RMDN2: variants seen among roughly 807,000 people sequenced by gnomAD.
RMDN2 encodes regulator of microtubule dynamics 2.
Under a neutral mutation model 52.8 loss-of-function variants are expected in RMDN2, and 61 were observed. That is an observed-to-expected ratio of 1.16 (90% CI 0.94 to 1.43). RMDN2 has a LOEUF of 1.43. RMDN2 is among the 40% of genes most tolerant of loss of function. The probability of loss-of-function intolerance (pLI) is 0.00; values close to 1 mark genes in which losing one functional copy is unlikely to be tolerated. For missense variants in RMDN2, 592 were observed against 475.3 expected (o/e 1.25, Z -2.28); for synonymous variants, 180 against 153.1 (o/e 1.18, Z -1.30).
intron 2 of RMDN2, among the ~76,000 whole-genome samples, chr2:37,938,870 G>T (rs1015383885): frequency 1.3e-5 from 2 of 151,938 alleles, no homozygotes; most frequent in African/African-American, 4.8e-5. Context: ...CTGATTTTTT[G>T]AAGAGTTTTT....
chr2:38,014,822 T>C (rs1678521501), intron 10 of RMDN2, among the ~76,000 whole-genome samples: 1 of 152,232 alleles, frequency 6.6e-6, no homozygotes, highest in Non-Finnish European at 1.5e-5. Flanking sequence ...CAGATACCTC[T>C]GCCATCATGA....
chr2:38,018,684 G>T (rs577402937), downstream of RMDN2, among the ~76,000 whole-genome samples: 1 of 152,116 alleles, frequency 6.6e-6, no homozygotes, highest in Non-Finnish European at 1.5e-5. Flanking sequence ...CACTAAAATA[G>T]TAGTAGTTTA....
chr2:37,925,758 C>A (rs935502102), intron 1 of RMDN2, among the ~76,000 whole-genome samples: 1 of 151,730 alleles, frequency 6.6e-6, no homozygotes, highest in African/African-American at 2.4e-5. Context: ...TCCCTGCAAA[C>A]CCCAAAGAAT....
rs1040055904 is a variant in RMDN2, at chr2:38,055,905, T to G, written c.1714-11077T>G. Among the ~76,000 whole-genome samples, 4 of 152,158 alleles carry G rather than the reference T, an allele frequency of 2.6e-5. No individual in the cohort carries two copies. The South Asian group carries it at 8.3e-4, about 32-fold the overall frequency. ...AGACAGAGTCATCTTCCCTGAAGAC[T>G]GGATAACTGGAAAAAAATCAAGGTT... On this transcript the variant is annotated intron_variant, in intron 10 of 10. Coordinates refer to the RMDN2 transcript ENST00000234195.
chr2:37,986,486 A>T (rs1674033139), intron 5 of RMDN2, among the ~76,000 whole-genome samples: 1 of 152,126 alleles, frequency 6.6e-6, no homozygotes, highest in African/African-American at 2.4e-5. Flanking sequence ...CTGGAAGGAA[A>T]CTGTAGTAGG....
At chr2:37,992,328 A>G (rs1329515130) in intron 7 of RMDN2, among the ~76,000 whole-genome samples, 1 of 152,252 alleles carries the variant, frequency 6.6e-6, no homozygotes, top group African/African-American at 2.4e-5. Context: ...GTAAAGGTAT[A>G]TCATCTGTTT....
At chr2:38,047,920 T>G (rs1231952033) in intron 10 of RMDN2, among the ~76,000 whole-genome samples, 1 of 152,182 alleles carries the variant, frequency 6.6e-6, no homozygotes, top group Non-Finnish European at 1.5e-5. Context: ...TCACTGCACT[T>G]GTGGGAGACA....
chr2:38,054,964 G>T (rs1468326937), intron 10 of RMDN2, among the ~76,000 whole-genome samples: 1 of 152,136 alleles, frequency 6.6e-6, no homozygotes, highest in African/African-American at 2.4e-5. Context: ...TGTTATATTT[G>T]TAAAACTAAT....
rs938205011 is a variant in RMDN2 at position 38,067,120 on chromosome 2, A to G, written c.*130A>G. 80 of 890,964 alleles carry G rather than the reference A, an allele frequency of 9.0e-5. 2 individuals carry two copies. The highest frequency in any genetic ancestry group is 5.1e-4 in the South Asian group (37 of 71,980). 55.2% of individuals were successfully genotyped at this position (890,964 alleles called of 1,614,324 possible). On this transcript the variant is annotated 3_prime_UTR_variant, in exon 11 of 11. Transcript: ENST00000234195. Reference sequence around the variant, plus strand: ...TTTACCAAGTAAAAAGATTGGCAATAAAACATTTCCACATAGTACATGACA... The same window carrying G: ...TTTACCAAGTAAAAAGATTGGCAATGAAACATTTCCACATAGTACATGACA...
intron 10 of RMDN2, among the ~76,000 whole-genome samples, chr2:38,059,275 G>T (rs1437864819): frequency 6.6e-6 from 1 of 152,246 alleles, no homozygotes; most frequent in East Asian, 1.9e-4. Flanking sequence ...ACATTGTACA[G>T]CACAGGTCAG....
At chr2:37,967,174 A>G (rs1671163826) in intron 2 of RMDN2, among the ~76,000 whole-genome samples, 1 of 152,196 alleles carries the variant, frequency 6.6e-6, no homozygotes, top group African/African-American at 2.4e-5. Context: ...GAAGAAAACC[A>G]ATGATTAATA....
intron 4 of RMDN2, among the ~76,000 whole-genome samples, chr2:37,978,038 A>G (rs1672772607): frequency 6.6e-6 from 1 of 152,160 alleles, no homozygotes; most frequent in Non-Finnish European, 1.5e-5. Context: ...AACATTGAGC[A>G]CTGAGTGAGT....
At chr2:38,014,337 C>A (rs1678440551) in intron 10 of RMDN2, among the ~76,000 whole-genome samples, 1 of 152,194 alleles carries the variant, frequency 6.6e-6, no homozygotes, top group Admixed American at 6.5e-5. Flanking sequence ...ACTCTTTTGA[C>A]TCTTACCTTC....
chr2:37,991,994 C>G (rs1572976461), intron 7 of RMDN2, among the ~76,000 whole-genome samples: 1 of 152,198 alleles, frequency 6.6e-6, no homozygotes, highest in East Asian at 1.9e-4. Context: ...AAAGAGATAA[C>G]TTCTTCATTG....
At chr2:37,969,348 A>G (rs1671495321) in intron 2 of RMDN2, among the ~76,000 whole-genome samples, 1 of 151,816 alleles carries the variant, frequency 6.6e-6, no homozygotes, top group Non-Finnish European at 1.5e-5. Flanking sequence ...CCATGAATAT[A>G]TTGTTTTCCA....
intron 8 of RMDN2, among the ~76,000 whole-genome samples, chr2:37,998,826 AC>A (rs773166496): frequency 2.0e-5 from 3 of 152,188 alleles, no homozygotes; most frequent in Non-Finnish European, 2.9e-5. Context: ...TACCTCAGGA[AC>A]TTAATTTGTT....
At chr2:38,024,380 A>G (rs1043048643) in intron 10 of RMDN2, among the ~76,000 whole-genome samples, 1 of 152,196 alleles carries the variant, frequency 6.6e-6, no homozygotes, top group Non-Finnish European at 1.5e-5. Flanking sequence ...TGGTTTTACC[A>G]TTTCACATTC....
chr2:38,004,746 A>T (rs1346074348), intron 10 of RMDN2, among the ~76,000 whole-genome samples: 3 of 151,692 alleles, frequency 2.0e-5, no homozygotes. Context: ...CACAACATGC[A>T]GGCTTGTTAC....
At chr2:37,992,794 T>G (rs781320990) in intron 7 of RMDN2, among the ~76,000 whole-genome samples, 1 of 152,244 alleles carries the variant, frequency 6.6e-6, no homozygotes, top group Admixed American at 6.5e-5. Flanking sequence ...TGTAAACATA[T>G]ATTGTAGCTC....
Sources: gnomAD v4.1 joint callset for allele counts (sites outside exome capture counted in the v4.1 genomes callset) on GRCh38, gnomAD v4.1.1 for gene constraint, MANE v1.5 for transcripts, NCBI Gene and HGNC (gene_info 2026-07-23, HGNC 2026-07-21) for gene names.